Variants in CSMD1 observed in about 807,000 individuals in gnomAD.
The protein encoded by CSMD1 is CUB and sushi domain-containing protein 1.
A neutral mutation model predicts 417.5 loss-of-function variants in CSMD1; 213 were observed. The ratio of observed to expected loss-of-function variants is 0.51; its 90% confidence interval spans 0.46 to 0.57. CSMD1 has a LOEUF of 0.57. Ranked by LOEUF, CSMD1 falls within the 20% of genes least tolerant of loss-of-function variation. CSMD1 has a pLI of 0.00. For missense variants in CSMD1, 6,923 were observed against 4,529.7 expected (o/e 1.53, Z -15.17); for synonymous variants, 2,862 against 1,736.8 (o/e 1.65, Z -16.11).
chr8:4,992,862 C>T (rs1272737069), intron 1 of CSMD1, among the ~76,000 whole-genome samples: 1 of 152,188 alleles, frequency 6.6e-6, no homozygotes. Context: ...CTAAGACCCA[C>T]TGTTTGCGAT....
At position 2,960,969 on chromosome 8, in the gene CSMD1, T is replaced by C. The variant is rs1389688250; in HGVS notation, c.9702+172A>G. On this transcript the variant is annotated intron_variant, in intron 62 of 69. Transcript: ENST00000635120. Reference sequence around the variant, plus strand: ...ATATATATATATATATATATATACATATATTGATTTTGACAGTTAAAAACA... The same window carrying C: ...ATATATATATATATATATATATACACATATTGATTTTGACAGTTAAAAACA... Among the ~76,000 whole-genome samples, 6 of 142,032 alleles carry C rather than the reference T, an allele frequency of 4.2e-5. No homozygotes were observed. In the South Asian group the frequency reaches 1.1e-3, roughly 26 times the overall value. 93.2% of individuals were successfully genotyped at this position (142,032 alleles called of 152,430 possible). A position where few individuals can be genotyped will look rare whatever the true frequency, so the allele number is the denominator to read the frequency against.
intron 5 of CSMD1, among the ~76,000 whole-genome samples, chr8:3,836,761 A>G (rs994732268): frequency 2.6e-5 from 4 of 151,998 alleles, no homozygotes; most frequent in African/African-American, 7.2e-5. Flanking sequence ...AAAAAAATGT[A>G]TTTTCTCACT....
chr8:3,913,037 G>A (rs141386382), intron 5 of CSMD1, among the ~76,000 whole-genome samples: 31 of 152,210 alleles, frequency 2.0e-4, no homozygotes, highest in African/African-American at 6.0e-4. Context: ...GGAGAGAATC[G>A]TGACTTTAGC....
At chr8:3,220,766 G>A in intron 28 of CSMD1, among the ~76,000 whole-genome samples, 1 of 152,190 alleles carries the variant, frequency 6.6e-6, no homozygotes, top group East Asian at 1.9e-4. Flanking sequence ...GGGAAGCGGA[G>A]GTTGCAGTGA....
chr8:3,881,149 T>G (rs1806178001), intron 5 of CSMD1, among the ~76,000 whole-genome samples: 1 of 152,150 alleles, frequency 6.6e-6, no homozygotes, highest in Non-Finnish European at 1.5e-5. Context: ...ATGTGCCATG[T>G]TTGTACATTA....
chr8:3,370,381 G>A (rs749008017), intron 18 of CSMD1, among the ~76,000 whole-genome samples: 35 of 152,164 alleles, frequency 2.3e-4, no homozygotes, highest in Non-Finnish European at 3.1e-4. Flanking sequence ...CATGTGCTCC[G>A]GGTCTTGCTC....
chr8:4,618,718 C>T (rs1801615856), intron 2 of CSMD1, among the ~76,000 whole-genome samples: 2 of 152,094 alleles, frequency 1.3e-5, no homozygotes, highest in Non-Finnish European at 2.9e-5. Flanking sequence ...GATGCATGGA[C>T]CTTCTGGTTG....
rs529874239 is a variant in CSMD1 at position 3,501,146 on chromosome 8, TAG to T, written c.1345-7422_1345-7421del. On this transcript the variant is annotated intron_variant, in intron 10 of 69. Coordinates refer to ENST00000635120, the MANE Select transcript of CSMD1 (RefSeq NM_033225.6). ...TTCATTTGATATGGGTCCATTCAAA[TAG>T]AGAGACCACTTCTCCTGATTCAGTT... Among the ~76,000 whole-genome samples, 249 of 152,328 alleles carry T rather than the reference TAG, an allele frequency of 1.6e-3. 1 individual carries two copies. The highest frequency in any genetic ancestry group is 2.9e-3 in the Non-Finnish European group (196 of 68,024).
chr8:3,253,179 T>G (rs1188334120), intron 26 of CSMD1, among the ~76,000 whole-genome samples: 18 of 152,278 alleles, frequency 1.2e-4, no homozygotes, highest in Admixed American at 1.1e-3. Context: ...GCTATAAATT[T>G]CCCTCTACAC....
chr8:4,129,792 T>G (rs1039048621), intron 3 of CSMD1, among the ~76,000 whole-genome samples: 3 of 152,166 alleles, frequency 2.0e-5, no homozygotes, highest in Non-Finnish European at 4.4e-5. Context: ...TTTTCTCCAT[T>G]TGTTACTCCA....
chr8:4,468,165 C>T (rs552582789), intron 2 of CSMD1, among the ~76,000 whole-genome samples: 1 of 152,260 alleles, frequency 6.6e-6, no homozygotes, highest in East Asian at 1.9e-4. Context: ...ATTTTCTGTG[C>T]TCTAACAGCA....
intron 1 of CSMD1, among the ~76,000 whole-genome samples, chr8:4,805,245 C>T (rs997181857): frequency 7.2e-5 from 11 of 152,168 alleles, no homozygotes; most frequent in African/African-American, 2.7e-4. Context: ...ATATGTATTG[C>T]ACCTGTCCAT....
chr8:3,442,053 A>T (rs74356520), intron 12 of CSMD1, among the ~76,000 whole-genome samples: 60 of 152,164 alleles, frequency 3.9e-4, no homozygotes, highest in African/African-American at 1.4e-3. Flanking sequence ...CAAAAATTTT[A>T]AACAAAAAAT....
intron 23 of CSMD1, among the ~76,000 whole-genome samples, chr8:3,328,527 G>A (rs139534664): frequency 9.3e-4 from 142 of 152,148 alleles, no homozygotes; most frequent in East Asian, 3.7e-3. Context: ...TATGATCTTC[G>A]GCCTAAAATG....
intron 26 of CSMD1, among the ~76,000 whole-genome samples, chr8:3,254,809 G>T (rs1044459050): frequency 6.6e-6 from 1 of 151,930 alleles, no homozygotes; most frequent in African/African-American, 2.4e-5. Context: ...CTTTGCCATG[G>T]GTTCAAACTT....
At chr8:3,309,467 T>G (rs1053628084) in intron 23 of CSMD1, among the ~76,000 whole-genome samples, 2 of 152,088 alleles carry the variant, frequency 1.3e-5, no homozygotes, top group African/African-American at 4.8e-5. Flanking sequence ...GCTCTTAAAC[T>G]CAAAGAAATA....
At chr8:4,263,504 C>A (rs1438034176) in intron 3 of CSMD1, among the ~76,000 whole-genome samples, 2 of 152,166 alleles carry the variant, frequency 1.3e-5, no homozygotes, top group African/African-American at 4.8e-5. Context: ...CTGTCTGTGG[C>A]AGTTAATTTA....
intron 1 of CSMD1, among the ~76,000 whole-genome samples, chr8:4,964,539 G>GAAAAA (rs1175814188): frequency 8.6e-6 from 1 of 115,914 alleles, no homozygotes; most frequent in African/African-American, 3.2e-5. Context: ...AGGAAGGAAG[G>GAAAAA]AAAAAAAAAA....
chr8:4,119,601 G>C (rs1802364396), intron 3 of CSMD1, among the ~76,000 whole-genome samples: 1 of 133,820 alleles, frequency 7.5e-6, no homozygotes, highest in Non-Finnish European at 1.6e-5. Flanking sequence ...TATCTAGGGA[G>C]GAGACCAGGA....
Sources: allele counts gnomAD v4.1 joint callset (sites outside exome capture counted in the v4.1 genomes callset), GRCh38; gene constraint gnomAD v4.1.1; transcripts MANE v1.5; gene names NCBI Gene and HGNC (gene_info 2026-07-23, HGNC 2026-07-21).